ITGA8: variants seen among roughly 807,000 people sequenced by gnomAD.
ITGA8 encodes the protein integrin alpha-8.
Under a neutral mutation model 142.3 loss-of-function variants are expected in ITGA8, and 91 were observed. The ratio of observed to expected loss-of-function variants is 0.64; its 90% CI spans 0.54 to 0.76. ITGA8 has a LOEUF of 0.76. ITGA8 is among the 30% of genes least tolerant of loss of function. ITGA8 has a pLI of 0.00. For synonymous variants in ITGA8, 505 were observed against 485.2 expected (o/e 1.04, Z -0.54); for missense variants, 1,406 against 1,327.7 (o/e 1.06, Z -0.92).
At position 15,592,242 on chromosome 10, in the gene ITGA8, G is replaced by A. The variant is rs764265512; in HGVS notation, c.2274C>T (p.Phe758=). The A allele has an allele frequency of 4.1e-5, 66 of 1,613,262 alleles. No individual in the cohort carries two copies. The highest frequency in any genetic ancestry group is 5.1e-5 in the Non-Finnish European group (60 of 1,179,388). Residue 758 remains phenylalanine, a synonymous_variant, in exon 22 of 30, where the codon TTC becomes TTT. Transcript: ENST00000378076. ...RLEKTNMSIN[F]DLQIRSSNKD... is the part of the protein sequence containing the mutation. ...GGTCTAACCTTCTGATTTGGAGATC[G>A]AAGTTAATGCTCATGTTTGTTTTCT...
intron 18 of ITGA8, among the ~76,000 whole-genome samples, 173 bp downstream of exon 18, chr10:15,606,112 G>A (rs943470516): frequency 5.3e-5 from 8 of 152,196 alleles, no homozygotes; most frequent in African/African-American, 1.7e-4. Flanking sequence ...AAAGGCTTCC[G>A]AAAAACACAA....
At chr10:15,639,172 A>T (rs1224562098) in intron 13 of ITGA8, among the ~76,000 whole-genome samples, 4 of 151,282 alleles carry the variant, frequency 2.6e-5, no homozygotes, top group Non-Finnish European at 5.9e-5. Flanking sequence ...CCTGAGTGGG[A>T]TGTGCCCAAG....
At chr10:15,521,956 G>C (rs566744514) in intron 28 of ITGA8, among the ~76,000 whole-genome samples, 1 of 152,316 alleles carries the variant, frequency 6.6e-6, no homozygotes, top group Non-Finnish European at 1.5e-5. Flanking sequence ...GGCAAAGAGT[G>C]GGGAGGGCTG....
intron 2 of ITGA8, among the ~76,000 whole-genome samples, chr10:15,696,899 AGCCCAT>A (rs1049210638): frequency 1.1e-4 from 16 of 151,412 alleles, no homozygotes; most frequent in Non-Finnish European, 2.1e-4. Flanking sequence ...CAGGCATAGT[AGCCCAT>A]GCCTGAGGTG....
Position 15,534,446 on chromosome 10 carries a change from C to G in ITGA8, c.2881-3295G>C, listed in dbSNP as rs190616563. 1.8e-3 allele frequency among the ~76,000 whole-genome samples: 278 copies of G among 152,242 alleles called. 2 individuals carry two copies. Among genetic ancestry groups the G allele is most frequent in the Non-Finnish European group, 2.9e-3 (198 of 68,034 alleles). On this transcript the variant is annotated intron_variant, in intron 27 of 29. Coordinates refer to ENST00000378076, the MANE Select transcript of ITGA8 (RefSeq NM_003638.3). ...TATAATGTCTATATCTTCTACAGAACCTAGAACAATGTGCACAGGAGAGCT... is the reference window on the plus strand; with the variant it reads ...TATAATGTCTATATCTTCTACAGAAGCTAGAACAATGTGCACAGGAGAGCT...
chr10:15,610,526 C>T (rs1411728112), intron 15 of ITGA8, among the ~76,000 whole-genome samples: 1 of 152,048 alleles, frequency 6.6e-6, no homozygotes, highest in East Asian at 1.9e-4. Context: ...CAAATCAATC[C>T]AAGTCCCTTA....
At position 15,575,554 on chromosome 10, in the gene ITGA8, A is replaced by G. The variant is rs139367519; in HGVS notation, c.2413T>C (p.Trp805Arg). ...PPQIVLPIHN[W>R]EPEEEPHKEE... ...TTGTGGGGCTCCTCTTCTGGTTCCC[A>G]GTTATGAATGGGCAGAACAATCTGC... Residue 805 changes from tryptophan (W) to arginine (R), a missense_variant, in exon 24 of 30, where the codon TGG becomes CGG. By Grantham distance (101) the Trp-to-Arg change is moderately radical (BLOSUM62 -3). Coordinates refer to ENST00000378076, the MANE Select transcript of ITGA8 (RefSeq NM_003638.3). 11 of 1,613,928 alleles carry G rather than the reference A, an allele frequency of 6.8e-6. No homozygotes were observed. The highest frequency in any genetic ancestry group is 2.7e-5 in the African/African-American group (2 of 74,916).
intron 3 of ITGA8, among the ~76,000 whole-genome samples, chr10:15,687,018 G>C (rs1157319935): frequency 6.6e-6 from 1 of 152,042 alleles, no homozygotes; most frequent in Admixed American, 6.5e-5. Context: ...ACCTTAAAAA[G>C]TTCTTACAAA....
At chr10:15,517,325 T>C (rs1445156115) in intron 29 of ITGA8, 81 bp from the exon 30 acceptor site, 204 of 976,916 alleles carry the variant, frequency 2.1e-4, no homozygotes, top group Admixed American at 2.5e-5. Flanking sequence ...TTTCACTTTA[T>C]GTATTTTTTT....
Position 15,718,914 on chromosome 10 carries a change from G to A in ITGA8, c.210-15C>T. The A allele has an allele frequency of 6.2e-7, 1 of 1,613,958 alleles. No homozygotes were observed. Among genetic ancestry groups the A allele is most frequent in the Non-Finnish European group, 8.5e-7 (1 of 1,180,022 alleles). ...AGACACTCGCTCTGCAAAAGAGTTGGAGAAAGTCACTCTTTGGGCGCCACA... is the reference window on the plus strand; with the variant it reads ...AGACACTCGCTCTGCAAAAGAGTTGAAGAAAGTCACTCTTTGGGCGCCACA... On this transcript the variant is annotated splice_polypyrimidine_tract_variant and intron_variant, in intron 1 of 29. Coordinates refer to ENST00000378076, the MANE Select transcript of ITGA8 (RefSeq NM_003638.3).
At position 15,644,023 on chromosome 10, in the gene ITGA8, A is replaced by C. The variant is rs1261747284; in HGVS notation, c.1399+7T>G. The C allele has an allele frequency of 2.5e-6, 4 of 1,607,112 alleles. No homozygotes were observed. The highest frequency in any genetic ancestry group is 2.2e-5 in the East Asian group (1 of 44,712). On this transcript the variant is annotated splice_region_variant and intron_variant, in intron 13 of 29. Coordinates refer to ENST00000378076, the MANE Select transcript of ITGA8 (RefSeq NM_003638.3). ...ACTCTCACGTGGGAAAAGAAAGAAA[A>C]CCTTACCTGGGTAATCATTCTTGTC...
At chr10:15,585,059 A>G (rs1247671445) in intron 23 of ITGA8, among the ~76,000 whole-genome samples, 2 of 152,132 alleles carry the variant, frequency 1.3e-5, no homozygotes, top group African/African-American at 4.8e-5. Flanking sequence ...AAGATAAACG[A>G]TGGTATAGTT....
At chr10:15,697,369 C>A (rs1053838129) in intron 2 of ITGA8, among the ~76,000 whole-genome samples, 1 of 152,112 alleles carries the variant, frequency 6.6e-6, no homozygotes, top group African/African-American at 2.4e-5. Context: ...TTTTAAATTG[C>A]GATTCACAAA....
intron 8 of ITGA8, among the ~76,000 whole-genome samples, 191 bp from the exon 9 acceptor site, chr10:15,661,113 CAGT>C (rs1381733560): frequency 6.6e-6 from 1 of 152,200 alleles, no homozygotes; most frequent in Non-Finnish European, 1.5e-5. Context: ...GCCACACACA[CAGT>C]AGGAGGTGAG....
intron 6 of ITGA8, among the ~76,000 whole-genome samples, chr10:15,673,789 G>T (rs1284914462): frequency 6.7e-6 from 1 of 149,604 alleles, no homozygotes; most frequent in Non-Finnish European, 1.5e-5. Flanking sequence ...AAATCCATGG[G>T]CACCAACATT....
Position 15,719,733 on chromosome 10 carries a change from C to G in ITGA8, c.39G>C (p.Gln13His). 1.5e-6 allele frequency: 2 copies of G among 1,375,360 alleles called. No homozygotes were observed. Among genetic ancestry groups the G allele is most frequent in the Non-Finnish European group, 1.9e-6 (2 of 1,071,984 alleles). The allele number at this position is 1,375,360 out of a possible 1,614,324, so 85.2% of individuals were successfully genotyped here. A position where few individuals can be genotyped will look rare whatever the true frequency, so the allele number is the denominator to read the frequency against. The change falls in exon 1 of 30, where the codon CAG becomes CAC. Residue 13 changes from glutamine (Q) to histidine (H), a missense_variant. Transcript: ENST00000378076. ...AGCAGAGGGGCGCGATCAGCGGCGC[C>G]TGGCTTCCCCGGGGACCGCGGCTGG... Reference protein sequence around the residue: ...PGASRGPRGSQAPLIAPLCCA... With the variant: ...PGASRGPRGSHAPLIAPLCCA...
intron 24 of ITGA8, among the ~76,000 whole-genome samples, chr10:15,574,493 C>A (rs9333197): frequency 1.8e-4 from 27 of 151,946 alleles, no homozygotes; most frequent in Non-Finnish European, 4.0e-4. Flanking sequence ...CAGGTTCAAG[C>A]GATTCTCCTC....
intron 2 of ITGA8, among the ~76,000 whole-genome samples, chr10:15,707,213 A>G (rs1177774198): frequency 6.6e-6 from 1 of 152,216 alleles, no homozygotes; most frequent in African/African-American, 2.4e-5. Flanking sequence ...AATGGAATTA[A>G]GGTTGCTAAT....
At chr10:15,690,092 C>T (rs1032243688) in intron 2 of ITGA8, among the ~76,000 whole-genome samples, 2 of 152,060 alleles carry the variant, frequency 1.3e-5, no homozygotes, top group Non-Finnish European at 2.9e-5. Flanking sequence ...TACTACCCAA[C>T]TATTGGGCCA....
Sources: gnomAD v4.1 joint callset for allele counts (sites outside exome capture counted in the v4.1 genomes callset) on GRCh38, gnomAD v4.1.1 for gene constraint, MANE v1.5 for transcripts, NCBI Gene and HGNC (gene_info 2026-07-23, HGNC 2026-07-21) for gene names.